Variants in ORC2 observed in about 807,000 individuals in gnomAD.
The protein encoded by ORC2 is origin recognition complex subunit 2, also known as origin recognition complex protein 2 homolog.
A neutral mutation model predicts 77.7 loss-of-function variants in ORC2; 37 were observed. The ratio of observed to expected loss-of-function variants is 0.48; its 90% confidence interval spans 0.37 to 0.63. The LOEUF (loss-of-function observed/expected upper bound fraction) is 0.63. ORC2 is among the 20% of genes least tolerant of loss of function. The probability of loss-of-function intolerance (pLI) is 0.00; values close to 1 mark genes in which losing one functional copy is unlikely to be tolerated. For missense variants in ORC2, 557 were observed against 661.9 expected, an observed-to-expected ratio of 0.84 and a Z score of 1.74; for synonymous variants, 201 against 229.5, an observed-to-expected ratio of 0.88 and a Z score of 1.12.
chr2:200,915,335 TAAG>T (rs1283085943), intron 15 of ORC2, among the ~76,000 whole-genome samples: 5 of 152,152 alleles, frequency 3.3e-5, no homozygotes, highest in African/African-American at 7.2e-5. Flanking sequence ...TTGCCACATG[TAAG>T]AAGAACTTAA....
intron 1 of ORC2, among the ~76,000 whole-genome samples, chr2:200,960,685 C>T (rs2041555103): frequency 1.3e-5 from 2 of 152,150 alleles, no homozygotes; most frequent in African/African-American, 2.4e-5. Context: ...CTGAGGTCAA[C>T]TCATTAAATA....
Position 200,911,359 on chromosome 2 carries a change from A to G in ORC2, c.1676T>C (p.Ile559Thr), listed in dbSNP as rs1278511230. Reference sequence around the variant, plus strand: ...AGTCAATGTTCCATTATCAACAGGAATTAATAAATACTCTACTCCATCAGT... The same window carrying G: ...AGTCAATGTTCCATTATCAACAGGAGTTAATAAATACTCTACTCCATCAGT... Reference protein sequence around the residue: ...KGTDGVEYLLIPVDNGTLTDF... With the variant: ...KGTDGVEYLLTPVDNGTLTDF... Residue 559 changes from isoleucine to threonine, a missense_variant, in exon 18 of 18, where the codon ATT becomes ACT. Transcript: ENST00000234296. The G allele has an allele frequency of 6.2e-7, 1 of 1,603,246 alleles. No individual in the cohort carries two copies. The highest frequency in any genetic ancestry group is 1.1e-5 in the South Asian group (1 of 90,868).
chr2:200,920,498 TCC>T (rs2040737661), intron 14 of ORC2, 105 bp from the exon 15 acceptor site: 6 of 943,480 alleles, frequency 6.4e-6, no homozygotes, highest in East Asian at 2.9e-5. Flanking sequence ...TAAAAATGAA[TCC>T]CCAAGTTTTT....
chr2:200,915,228 G>T (rs2124929513), intron 15 of ORC2, among the ~76,000 whole-genome samples: 1 of 151,690 alleles, frequency 6.6e-6, no homozygotes, highest in East Asian at 1.9e-4. Context: ...GGTCAGGCTG[G>T]TCTTGAACTC....
intron 16 of ORC2, 158 bp from the exon 17 acceptor site, chr2:200,913,571 T>C (rs2040588171): frequency 1.5e-6 from 2 of 1,332,064 alleles, no homozygotes; most frequent in Non-Finnish European, 1.9e-6. Context: ...AACAAGTAAG[T>C]CATGAGAGCA....
At chr2:200,950,885 GAA>G (rs906905850) in intron 4 of ORC2, among the ~76,000 whole-genome samples, 16 of 152,198 alleles carry the variant, frequency 1.1e-4, no homozygotes, top group African/African-American at 3.6e-4. Context: ...GGTATAAACT[GAA>G]GAGAGGCGTC....
intron 4 of ORC2, among the ~76,000 whole-genome samples, chr2:200,955,587 G>A (rs1182584639): frequency 6.6e-6 from 1 of 152,036 alleles, no homozygotes; most frequent in Non-Finnish European, 1.5e-5. Context: ...ACTTAACACT[G>A]GGAACTTGAT....
chr2:200,942,370 T>C (rs1391334701), intron 6 of ORC2, among the ~76,000 whole-genome samples: 2 of 152,198 alleles, frequency 1.3e-5, no homozygotes, highest in South Asian at 2.1e-4. Flanking sequence ...TTATTTCATA[T>C]AGTATTTCCC....
At chr2:200,938,031 A>G in intron 7 of ORC2, 65 bp from the exon 8 acceptor site, 2 of 1,205,920 alleles carry the variant, frequency 1.7e-6, no homozygotes. Context: ...TGAGTGAAAG[A>G]GGCTAGAAAA....
intron 10 of ORC2, among the ~76,000 whole-genome samples, chr2:200,932,622 G>T (rs1387864974): frequency 6.6e-6 from 1 of 152,136 alleles, no homozygotes; most frequent in African/African-American, 2.4e-5. Flanking sequence ...ACAGGTGTGA[G>T]CCTCCATGCC....
chr2:200,913,693 G>A, intron 16 of ORC2: 1 of 1,346,988 alleles, frequency 7.4e-7, no homozygotes, highest in Non-Finnish European at 9.5e-7. Flanking sequence ...TCCATAGTTA[G>A]CACAGAAAAT....
At chr2:200,946,265 T>G (rs542666746) in intron 5 of ORC2, among the ~76,000 whole-genome samples, 1 of 152,244 alleles carries the variant, frequency 6.6e-6, no homozygotes, top group East Asian at 1.9e-4. Context: ...GTTGGGATTA[T>G]AGGTGTGAGC....
intron 4 of ORC2, among the ~76,000 whole-genome samples, chr2:200,952,215 TATA>T (rs1202216588): frequency 1.3e-5 from 2 of 151,726 alleles, no homozygotes; most frequent in Non-Finnish European, 2.9e-5. Context: ...AACTAGAATA[TATA>T]ATTAGAATAT....
At chr2:200,939,508 C>T (rs1448411561) in intron 7 of ORC2, among the ~76,000 whole-genome samples, 1 of 152,136 alleles carries the variant, frequency 6.6e-6, no homozygotes, top group Admixed American at 6.5e-5. Context: ...GGGCAAACAG[C>T]TTATCTTATC....
intron 8 of ORC2, 142 bp downstream of exon 8, chr2:200,937,764 G>T: frequency 1.6e-6 from 1 of 607,824 alleles, no homozygotes; most frequent in Non-Finnish European, 2.9e-6. Context: ...CAATGTGAAA[G>T]ACATGGTGCT....
At chr2:200,957,353 A>G in intron 4 of ORC2, 48 bp downstream of exon 4, 5 of 1,437,248 alleles carry the variant, frequency 3.5e-6, no homozygotes, top group Non-Finnish European at 4.7e-6. Flanking sequence ...CTATAAAGCA[A>G]TTTCTGCTAC....
chr2:200,955,626 C>T (rs2041453216), intron 4 of ORC2, among the ~76,000 whole-genome samples: 1 of 152,148 alleles, frequency 6.6e-6, no homozygotes, highest in African/African-American at 2.4e-5. Flanking sequence ...GAGAATAAAA[C>T]ACATGTACAT....
At chr2:200,918,065 C>T (rs187501995) in intron 15 of ORC2, among the ~76,000 whole-genome samples, 1 of 152,164 alleles carries the variant, frequency 6.6e-6, no homozygotes, top group Admixed American at 6.5e-5. Context: ...CTGATATATA[C>T]ATTTGAATGC....
intron 7 of ORC2, among the ~76,000 whole-genome samples, chr2:200,940,467 C>T (rs1399416164): frequency 1.3e-5 from 2 of 152,096 alleles, no homozygotes; most frequent in African/African-American, 2.4e-5. Flanking sequence ...TCATGGAACA[C>T]TCACCACTTG....
Sources: allele counts gnomAD v4.1 joint callset (sites outside exome capture counted in the v4.1 genomes callset), GRCh38; gene constraint gnomAD v4.1.1; transcripts MANE v1.5; gene names NCBI Gene and HGNC (gene_info 2026-07-23, HGNC 2026-07-21).